The following HERC2 variants were observed in gnomAD, a reference collection of about 807,000 sequenced individuals.
HERC2 encodes the protein E3 ubiquitin-protein ligase HERC2.
A neutral mutation model predicts 537.7 loss-of-function variants in HERC2; 102 were observed. The ratio of observed to expected loss-of-function variants is 0.19; its 90% CI spans 0.16 to 0.22. The LOEUF is 0.22. Ranked by LOEUF, HERC2 falls within the 10% of genes least tolerant of loss-of-function variation. The pLI, the probability that HERC2 is intolerant of heterozygous loss-of-function variation, is 1.00. For synonymous variants in HERC2, 2,224 were observed against 2,466.2 expected (o/e 0.90, Z 2.91); for missense variants, 4,236 against 6,198.2 (o/e 0.68, Z 10.63).
intron 88 of HERC2, among the ~76,000 whole-genome samples, chr15:28,115,874 G>A (rs974159192): frequency 5.9e-5 from 9 of 152,236 alleles, no homozygotes; most frequent in African/African-American, 9.6e-5. Flanking sequence ...CTGCCCAGGA[G>A]GTGCTGGCTG....
chr15:28,315,988 T>A (rs998657816), intron 2 of HERC2: 2 of 368,884 alleles, frequency 5.4e-6, no homozygotes, highest in Non-Finnish European at 1.1e-5. Flanking sequence ...ACCTGTGACA[T>A]TCTGGACTAT....
At position 28,113,794 on chromosome 15, in the gene HERC2, AG is replaced by A. The variant is rs922985265; in HGVS notation, c.13914-117del. 2.4e-5 allele frequency: 19 copies of A among 786,942 alleles called. No homozygotes were observed. The highest frequency in any genetic ancestry group is 3.9e-5 in the Non-Finnish European group (18 of 464,358). 48.7% of individuals were successfully genotyped at this position (786,942 alleles called of 1,614,324 possible). A position where few individuals can be genotyped will look rare whatever the true frequency, so the allele number is the denominator to read the frequency against. On this transcript the variant is annotated intron_variant, in intron 90 of 92. Coordinates refer to ENST00000261609, the MANE Select transcript of HERC2 (RefSeq NM_004667.6). This position sits in a 1 kb window ranked among gnomAD's most constrained non-coding sequence, Gnocchi z 7.0. ...GCACACGTCCCAGCTGGGAGAACAG[AG>A]GGAGCAGCTCCAGATGGCATGAGCA...
chr15:28,235,639 G>C (rs1460062975), intron 26 of HERC2, among the ~76,000 whole-genome samples: 1 of 152,180 alleles, frequency 6.6e-6, no homozygotes, highest in Admixed American at 6.5e-5. Context: ...GCTCCCTCAT[G>C]CAATTTCAGG....
intron 31 of HERC2, 65 bp from the exon 32 acceptor site, chr15:28,229,912 G>C (rs1901651846): frequency 7.1e-6 from 6 of 845,078 alleles, no homozygotes; most frequent in Non-Finnish European, 1.2e-5. Context: ...TGCTCTAAAA[G>C]TTATTCAAGT....
In HERC2 at chr15:28,245,564, TATACACAC is replaced by T. The variant is rs1225695005; in HGVS notation, c.3577+309_3577+316del. Among the ~76,000 whole-genome samples, 100 of 108,958 alleles carry T rather than the reference TATACACAC, an allele frequency of 9.2e-4. 2 individuals are homozygous for T. Among genetic ancestry groups the T allele is most frequent in the African/African-American group, 3.5e-3 (68 of 19,594 alleles). 71.5% of individuals were successfully genotyped at this position (108,958 alleles called of 152,430 possible). A position where few individuals can be genotyped will look rare whatever the true frequency, so the allele number is the denominator to read the frequency against. ...GTAGTGTCAAAAAAAAAAAAAAATA[TATACACAC>T]ACACACACACACACACACACACACA... On this transcript the variant is annotated intron_variant, in intron 23 of 92. Transcript: ENST00000261609.
Position 28,258,207 on chromosome 15 carries a change from C to T in HERC2, c.2317-946G>A, listed in dbSNP as rs145776637. Among the ~76,000 whole-genome samples the T allele has an allele frequency of 3.7e-3, 562 of 152,172 alleles. 4 individuals are homozygous for T. Among genetic ancestry groups the T allele is most frequent in the Middle Eastern group, 0.034 (10 of 294 alleles). On this transcript the variant is annotated intron_variant, in intron 16 of 92. Transcript: ENST00000261609. ...GGGTCAGGCCGGGCGCAGTGGCTCA[C>T]GCCTGTAATCCAAACACTTTGGGAG...
chr15:28,236,034 C>A (rs1902403890), intron 26 of HERC2, among the ~76,000 whole-genome samples: 1 of 152,182 alleles, frequency 6.6e-6, no homozygotes, highest in Non-Finnish European at 1.5e-5. Flanking sequence ...GAATGCTGTT[C>A]CCTGAGAGGA....
At chr15:28,243,855 C>A (rs879454577) in intron 23 of HERC2, among the ~76,000 whole-genome samples, 1 of 152,072 alleles carries the variant, frequency 6.6e-6, no homozygotes, top group African/African-American at 2.4e-5. Context: ...AAGAGTCCCA[C>A]CAAGAAACAG....
At chr15:28,117,623 A>C in intron 86 of HERC2, 5 of 445,564 alleles carry the variant, frequency 1.1e-5, no homozygotes, top group Non-Finnish European at 1.8e-5. Flanking sequence ...ATTCAACCCA[A>C]TGCCCCTGAG....
In HERC2 at chr15:28,138,106, GA is replaced by G. The variant is rs539463337; in HGVS notation, c.12016-2415del. On this transcript the variant is annotated intron_variant, in intron 78 of 92. Transcript: ENST00000261609. Reference sequence around the variant, plus strand: ...AACAGAGGTGAGAAGGCTGCTGAAGGAAAGTCTGAAGGTAACAGAGATTGGT... The same window carrying G: ...AACAGAGGTGAGAAGGCTGCTGAAGGAAGTCTGAAGGTAACAGAGATTGGT... Among the ~76,000 whole-genome samples, 76 of 152,334 alleles carry G rather than the reference GA, an allele frequency of 5.0e-4. No homozygotes were observed. The East Asian group carries it at 9.6e-3, about 19-fold the overall frequency.
Position 28,246,627 on chromosome 15 carries a change from G to A in HERC2, c.3391+115C>T. The A allele has an allele frequency of 1.2e-5, 10 of 860,996 alleles. No homozygotes were observed. In the South Asian group the frequency reaches 2.4e-4, roughly 20 times the overall value. The allele number at this position is 860,996 out of a possible 1,614,324, so 53.3% of individuals were successfully genotyped here. A position where few individuals can be genotyped will look rare whatever the true frequency, so the allele number is the denominator to read the frequency against. On this transcript the variant is annotated intron_variant, in intron 22 of 92. Coordinates refer to ENST00000261609, the MANE Select transcript of HERC2 (RefSeq NM_004667.6). ...AAAAAAAAACAAAGGTGAAAGGGCA[G>A]GAGGCCCAGAAAATTTAGAGAGTAA... is the stretch of plus-strand genomic sequence containing the variant.
At position 28,186,834 on chromosome 15, in the gene HERC2, C is replaced by T. The variant is rs78970358; in HGVS notation, c.8650-82G>A. The T allele has an allele frequency of 6.8e-3, 6,642 of 979,536 alleles. 54 individuals carry two copies. The highest frequency in any genetic ancestry group is 0.018 in the Admixed American group (935 of 52,978). 60.7% of individuals were successfully genotyped at this position (979,536 alleles called of 1,614,324 possible). On this transcript the variant is annotated intron_variant, in intron 55 of 92. Transcript: ENST00000261609. Reference sequence around the variant, plus strand: ...TAACTGGAGAACGGGATGTGTGAGACACGAACATGTACACACGGTTAGAGC... The same window carrying T: ...TAACTGGAGAACGGGATGTGTGAGATACGAACATGTACACACGGTTAGAGC...
intron 38 of HERC2, among the ~76,000 whole-genome samples, chr15:28,217,826 C>A (rs1194447119): frequency 6.6e-6 from 1 of 151,980 alleles, no homozygotes; most frequent in Non-Finnish European, 1.5e-5. Context: ...TGGCACAATG[C>A]GTCCCAACAC....
intron 37 of HERC2, among the ~76,000 whole-genome samples, 168 bp from the exon 38 acceptor site, chr15:28,218,839 GTTC>G (rs1900213225): frequency 1.3e-5 from 2 of 152,062 alleles, no homozygotes; most frequent in Admixed American, 1.3e-4. Context: ...TTATTTTTGT[GTTC>G]TTTTTTCCTT....
intron 69 of HERC2, among the ~76,000 whole-genome samples, chr15:28,162,443 T>G (rs1033091587): frequency 1.3e-5 from 2 of 152,106 alleles, no homozygotes; most frequent in South Asian, 4.1e-4. Flanking sequence ...ACTGACAGAT[T>G]TGACCACATA....
intron 27 of HERC2, 113 bp from the exon 28 acceptor site, chr15:28,233,909 G>A (rs1341895907): frequency 1.5e-4 from 126 of 817,982 alleles, no homozygotes; most frequent in South Asian, 3.7e-4. Flanking sequence ...CTGAAGCCTC[G>A]CTAGCATGTT....
intron 52 of HERC2, among the ~76,000 whole-genome samples, chr15:28,193,139 C>T (rs1415475779): frequency 1.3e-5 from 2 of 152,054 alleles, no homozygotes; most frequent in Non-Finnish European, 2.9e-5. Context: ...CATAATGACA[C>T]ATGAAAAGGC....
intron 53 of HERC2, 106 bp downstream of exon 53, chr15:28,191,855 G>T: frequency 1.2e-6 from 1 of 845,728 alleles, no homozygotes; most frequent in South Asian, 1.7e-5. Flanking sequence ...GTACTGACAG[G>T]TGCTATCAGC....
chr15:28,130,792 C>T (rs144486937), intron 81 of HERC2, among the ~76,000 whole-genome samples, 198 bp from the exon 82 acceptor site: 5 of 152,364 alleles, frequency 3.3e-5, no homozygotes, highest in Middle Eastern at 3.4e-3. Context: ...TGACAGCACA[C>T]CCGTTGGCAC....
Sources: allele counts gnomAD v4.1 joint callset (sites outside exome capture counted in the v4.1 genomes callset), GRCh38; gene constraint gnomAD v4.1.1; non-coding constraint Gnocchi (gnomAD v3.1); transcripts MANE v1.5; gene names NCBI Gene and HGNC (gene_info 2026-07-23, HGNC 2026-07-21).